MYZAP: variants seen among roughly 807,000 people sequenced by gnomAD.
MYZAP encodes myocardial zonula adherens protein, also known as GRINL1A complex locus upstream.
In MYZAP, 66 loss-of-function variants were observed where a neutral mutation model predicts 69.4. That is an observed-to-expected ratio of 0.95 (90% CI 0.78 to 1.17). The LOEUF (loss-of-function observed/expected upper bound fraction) is 1.17. MYZAP is among the 50% of genes most tolerant of loss of function. MYZAP has a pLI of 0.00. For synonymous variants in MYZAP, 256 were observed against 205.9 expected, an observed-to-expected ratio of 1.24 and a Z score of -2.09; for missense variants, 611 against 556.2, an observed-to-expected ratio of 1.10 and a Z score of -0.99.
chr15:57,665,176 A>G (rs1485086349), intron 11 of MYZAP, among the ~76,000 whole-genome samples: 1 of 152,228 alleles, frequency 6.6e-6, no homozygotes, highest in Non-Finnish European at 1.5e-5. Context: ...GGTGAACATG[A>G]GCAGGGATTG....
At chr15:57,651,923 CT>C (rs2037747733) in intron 10 of MYZAP, among the ~76,000 whole-genome samples, 1 of 152,136 alleles carries the variant, frequency 6.6e-6, no homozygotes. Flanking sequence ...GTTGGGTTAT[CT>C]TTAATATAAG....
intron 2 of MYZAP, among the ~76,000 whole-genome samples, chr15:57,604,637 T>C (rs2140336179): frequency 6.6e-6 from 1 of 152,332 alleles, no homozygotes; most frequent in Middle Eastern, 3.4e-3. Flanking sequence ...TGACAGGTGC[T>C]GTGGCGGGGA....
chr15:57,600,837 A>T (rs2034361913), intron 1 of MYZAP, among the ~76,000 whole-genome samples: 1 of 152,146 alleles, frequency 6.6e-6, no homozygotes, highest in Non-Finnish European at 1.5e-5. Flanking sequence ...ATCCCAACAC[A>T]TTTGGAGGCT....
Position 57,633,596 on chromosome 15 carries a change from G to T in MYZAP, c.805-17G>T, listed in dbSNP as rs1245444304. 3 of 1,608,914 alleles carry T rather than the reference G, an allele frequency of 1.9e-6. No homozygotes were observed. Among genetic ancestry groups the T allele is most frequent in the Admixed American group, 3.4e-5 (2 of 59,552 alleles). On this transcript the variant is annotated splice_polypyrimidine_tract_variant and intron_variant, in intron 7 of 12. Transcript: ENST00000267853. ...GTACTCCATGCCTGTACTTAGGAGG[G>T]TATATTTCTTTTGCAGGAAGAAACC...
intron 10 of MYZAP, among the ~76,000 whole-genome samples, chr15:57,652,408 T>G (rs1382422939): frequency 6.6e-6 from 1 of 152,222 alleles, no homozygotes; most frequent in Admixed American, 6.5e-5. Context: ...AGCTTTTTTC[T>G]TTTTATTCTT....
intron 11 of MYZAP, among the ~76,000 whole-genome samples, chr15:57,665,743 G>A (rs763112150): frequency 4.6e-5 from 7 of 152,142 alleles, no homozygotes; most frequent in African/African-American, 1.7e-4. Flanking sequence ...CATGTTGGTC[G>A]CTTGCAATTA....
At chr15:57,669,662 T>C (rs11071341) in intron 11 of MYZAP, among the ~76,000 whole-genome samples, 127,183 of 152,082 alleles carry the variant, frequency 0.84, 55,562 homozygotes, top group Non-Finnish European at 0.95. Context: ...TGTTCATTAC[T>C]TCCTTCCTTC....
chr15:57,608,988 G>T (rs2034935253), intron 2 of MYZAP, among the ~76,000 whole-genome samples: 2 of 152,086 alleles, frequency 1.3e-5, no homozygotes, highest in African/African-American at 4.8e-5. Flanking sequence ...GTGCTGGGGT[G>T]GTCACTCTTC....
chr15:57,665,220 C>T (rs1232879709), intron 11 of MYZAP, among the ~76,000 whole-genome samples: 1 of 152,190 alleles, frequency 6.6e-6, no homozygotes, highest in Non-Finnish European at 1.5e-5. Flanking sequence ...GCCATAGGGC[C>T]CAGCAGTCCT....
intron 2 of MYZAP, among the ~76,000 whole-genome samples, chr15:57,609,908 A>G (rs1366720810): frequency 2.0e-5 from 3 of 152,156 alleles, no homozygotes; most frequent in African/African-American, 7.2e-5. Flanking sequence ...ATTCTTATCC[A>G]TAGTCATGTG....
intron 8 of MYZAP, among the ~76,000 whole-genome samples, chr15:57,635,406 A>G (rs2036757798): frequency 6.6e-6 from 1 of 152,180 alleles, no homozygotes; most frequent in South Asian, 2.1e-4. Flanking sequence ...TTTTATGCTT[A>G]TCTTCATTGC....
chr15:57,597,832 A>C lies in MYZAP; in HGVS notation c.75+5723A>C, dbSNP rs568583654. 2.6e-5 allele frequency among the ~76,000 whole-genome samples: 4 copies of C among 152,312 alleles called. No homozygotes were observed. The East Asian group carries it at 7.7e-4, about 29-fold the overall frequency. ...GAGGTCTAATCTAGATGGGGCATAC[A>C]CTGTTCCGCATGCAGCCTGCTGCAG... On this transcript the variant is annotated intron_variant, in intron 1 of 12. Coordinates refer to ENST00000267853, the MANE Select transcript of MYZAP (RefSeq NM_001018100.5).
intron 12 of MYZAP, among the ~76,000 whole-genome samples, chr15:57,684,022 G>A (rs2039567372): frequency 6.6e-6 from 1 of 152,030 alleles, no homozygotes; most frequent in Non-Finnish European, 1.5e-5. Context: ...ACGAACTCCC[G>A]ACTTCAGGTG....
chr15:57,642,516 C>T (rs1392397481), intron 10 of MYZAP, among the ~76,000 whole-genome samples: 1 of 152,136 alleles, frequency 6.6e-6, no homozygotes. Flanking sequence ...TGTTAAGGAC[C>T]CTTTTTCTTC....
chr15:57,681,915 A>G (rs2039467130), intron 12 of MYZAP, among the ~76,000 whole-genome samples: 1 of 152,304 alleles, frequency 6.6e-6, no homozygotes, highest in South Asian at 2.1e-4. Flanking sequence ...ACCCCCTGCC[A>G]TGCTTTTTAA....
At chr15:57,653,004 C>T (rs2037805615) in intron 10 of MYZAP, among the ~76,000 whole-genome samples, 1 of 152,036 alleles carries the variant, frequency 6.6e-6, no homozygotes, top group African/African-American at 2.4e-5. Context: ...TCTTTGATAA[C>T]ATTTTCAATG....
At chr15:57,601,816 A>G (rs1376660794) in intron 1 of MYZAP, among the ~76,000 whole-genome samples, 2 of 152,134 alleles carry the variant, frequency 1.3e-5, no homozygotes, top group Non-Finnish European at 2.9e-5. Context: ...ACTGCCTAGA[A>G]AAAGGGGAAT....
intron 1 of MYZAP, among the ~76,000 whole-genome samples, chr15:57,598,088 C>G (rs1329582382): frequency 6.6e-6 from 1 of 152,178 alleles, no homozygotes; most frequent in Non-Finnish European, 1.5e-5. Context: ...CTTCTCCACT[C>G]CCTTTTTATT....
intron 2 of MYZAP, among the ~76,000 whole-genome samples, chr15:57,605,643 A>T (rs2034695877): frequency 6.6e-6 from 1 of 152,218 alleles, no homozygotes; most frequent in Middle Eastern, 3.2e-3. Flanking sequence ...TAGGGAGAAA[A>T]GCAAATGAAG....
Sources: allele counts gnomAD v4.1 joint callset (sites outside exome capture counted in the v4.1 genomes callset), GRCh38; gene constraint gnomAD v4.1.1; transcripts MANE v1.5; gene names NCBI Gene and HGNC (gene_info 2026-07-23, HGNC 2026-07-21).